Variants in AGPAT3 observed in about 807,000 individuals in gnomAD.
The protein encoded by AGPAT3 is 1-acyl-sn-glycerol-3-phosphate acyltransferase gamma.
Under a neutral mutation model 47.3 loss-of-function variants are expected in AGPAT3, and 5 were observed. That is an observed-to-expected ratio of 0.11 (90% CI 0.06 to 0.22). The LOEUF is 0.22. Ranked by LOEUF, AGPAT3 falls within the 10% of genes least tolerant of loss-of-function variation. The probability of loss-of-function intolerance (pLI) is 1.00; values close to 1 mark genes in which losing one functional copy is unlikely to be tolerated. For synonymous variants in AGPAT3, 212 were observed against 208.3 expected (o/e 1.02, Z -0.15); for missense variants, 315 against 493.0 (o/e 0.64, Z 3.42).
chr21:43,961,750 A>G (rs536957287), intron 3 of AGPAT3, among the ~76,000 whole-genome samples: 27 of 151,956 alleles, frequency 1.8e-4, no homozygotes, highest in Non-Finnish European at 3.7e-4. Flanking sequence ...GTGAGCGCGT[A>G]TACACTTTGT....
At position 43,878,211 on chromosome 21, in the gene AGPAT3, T is replaced by G. The variant is rs2085776999; in HGVS notation, c.-112+12866T>G. 2.0e-5 allele frequency among the ~76,000 whole-genome samples: 3 copies of G among 152,186 alleles called. No homozygotes were observed. In the South Asian group the frequency reaches 6.2e-4, roughly 31 times the overall value. On this transcript the variant is annotated intron_variant, in intron 1 of 9. Coordinates refer to ENST00000291572, the MANE Select transcript of AGPAT3 (RefSeq NM_020132.5). ...CTGCCCCACTGGCCACACTCTGCCT[T>G]GGACTTTAGCCTGCCTGGAACACAC...
At chr21:43,944,655 A>T (rs1569079717) in intron 2 of AGPAT3, among the ~76,000 whole-genome samples, 1 of 152,138 alleles carries the variant, frequency 6.6e-6, no homozygotes, top group Non-Finnish European at 1.5e-5. Context: ...AGGCAGGGGG[A>T]CGGCTGTGCT....
At chr21:43,940,369 G>T (rs376902306) in intron 2 of AGPAT3, among the ~76,000 whole-genome samples, 1 of 152,234 alleles carries the variant, frequency 6.6e-6, no homozygotes, top group Non-Finnish European at 1.5e-5. Context: ...GGGCAGTCCT[G>T]GGGGCCTTTA....
chr21:43,884,432 A>C (rs948183036), intron 1 of AGPAT3, among the ~76,000 whole-genome samples: 5 of 152,144 alleles, frequency 3.3e-5, no homozygotes, highest in Non-Finnish European at 7.4e-5. Flanking sequence ...TGTGCGGAGC[A>C]TGGCCCTTTC....
intron 2 of AGPAT3, among the ~76,000 whole-genome samples, chr21:43,957,265 G>T (rs1014261575): frequency 6.6e-6 from 1 of 152,216 alleles, no homozygotes; most frequent in South Asian, 2.1e-4. Context: ...TGGGGTGGGC[G>T]CCCATGGAGA....
chr21:43,942,942 G>GT (rs935710284), intron 2 of AGPAT3, among the ~76,000 whole-genome samples: 1 of 152,254 alleles, frequency 6.6e-6, no homozygotes, highest in Non-Finnish European at 1.5e-5. Context: ...CCCCTTGCCT[G>GT]TTGGGGATGG....
At chr21:43,902,923 C>T (rs751962705) in intron 1 of AGPAT3, among the ~76,000 whole-genome samples, 14 of 152,074 alleles carry the variant, frequency 9.2e-5, no homozygotes, top group Non-Finnish European at 1.9e-4. Flanking sequence ...TCACTTAAGC[C>T]CAGAAGACTG....
At chr21:43,962,293 C>T (rs1256755003) in intron 3 of AGPAT3, among the ~76,000 whole-genome samples, 9 of 152,096 alleles carry the variant, frequency 5.9e-5, no homozygotes, top group East Asian at 1.9e-4. Context: ...TGAGCCACCG[C>T]GCCCGGCCAG....
intron 1 of AGPAT3, among the ~76,000 whole-genome samples, chr21:43,886,306 T>C (rs1391950912): frequency 6.6e-6 from 1 of 152,126 alleles, no homozygotes; most frequent in Admixed American, 6.5e-5. Flanking sequence ...CAGGCTGGAG[T>C]GCAGTGGCGT....
intron 1 of AGPAT3, among the ~76,000 whole-genome samples, chr21:43,871,967 T>C (rs906581643): frequency 1.3e-5 from 2 of 152,330 alleles, no homozygotes; most frequent in African/African-American, 4.8e-5. Flanking sequence ...TTCTTCCCAA[T>C]TCTTGGGTCA....
chr21:43,875,642 C>T (rs1489862133), intron 1 of AGPAT3, among the ~76,000 whole-genome samples: 1 of 152,244 alleles, frequency 6.6e-6, no homozygotes, highest in Non-Finnish European at 1.5e-5. Context: ...GAGTCTTGCT[C>T]TGTTGCCCAG....
At chr21:43,872,982 G>A (rs766884432) in intron 1 of AGPAT3, among the ~76,000 whole-genome samples, 22 of 152,268 alleles carry the variant, frequency 1.4e-4, no homozygotes, top group Non-Finnish European at 2.6e-4. Flanking sequence ...ACAGAGAGCT[G>A]CGGCCTCCCC....
intron 1 of AGPAT3, among the ~76,000 whole-genome samples, chr21:43,884,011 T>C (rs1024095697): frequency 1.1e-4 from 16 of 152,230 alleles, no homozygotes; most frequent in Admixed American, 9.8e-4. Flanking sequence ...ATTACAGGTG[T>C]GAGCCACCAC....
intron 2 of AGPAT3, among the ~76,000 whole-genome samples, chr21:43,929,158 C>G (rs530035110): frequency 6.6e-6 from 1 of 152,218 alleles, no homozygotes; most frequent in Non-Finnish European, 1.5e-5. Context: ...GTGGGTGCCT[C>G]ATGCGGGTGG....
intron 2 of AGPAT3, among the ~76,000 whole-genome samples, chr21:43,951,915 G>T (rs545087301): frequency 3.9e-4 from 60 of 152,258 alleles, no homozygotes; most frequent in Admixed American, 2.4e-3. Context: ...GGGGATTTTG[G>T]CAAAGAAGGG....
chr21:43,978,775 C>T (rs2838458), intron 8 of AGPAT3, among the ~76,000 whole-genome samples: 61,613 of 152,072 alleles, frequency 0.41, 12,627 homozygotes, highest in African/African-American at 0.48. Flanking sequence ...CCTTGTATAA[C>T]AGAAACAAAT....
At chr21:43,929,735 C>T (rs1359980983) in intron 2 of AGPAT3, among the ~76,000 whole-genome samples, 3 of 152,234 alleles carry the variant, frequency 2.0e-5, no homozygotes, top group Non-Finnish European at 4.4e-5. Context: ...GGCCCACATT[C>T]CTCAGGCTGG....
rs184280795 is a variant in AGPAT3 at position 43,987,511 on chromosome 21, A to G, written c.*5119A>G. Among the ~76,000 whole-genome samples, 16 of 152,306 alleles carry G rather than the reference A, an allele frequency of 1.1e-4. No individual in the cohort carries two copies. Among genetic ancestry groups the G allele is most frequent in the African/African-American group, 3.6e-4 (15 of 41,586 alleles). On this transcript the variant is annotated 3_prime_UTR_variant, in exon 10 of 10. Transcript: ENST00000291572. ...CCAAAACTACTCTTTTTTTGTAAAA[A>G]CATTCATCTGTGGAGAAAACCAAGG...
Position 43,933,224 on chromosome 21 carries a change from G to A in AGPAT3, c.-48-26410G>A, listed in dbSNP as rs536768255. ...GTGTGGCTCCTTCTGAGGCACAGCC[G>A]TTCGGGTCCTTTGCTGTTTGCTTTC... On this transcript the variant is annotated intron_variant, in intron 2 of 9. Coordinates refer to ENST00000291572, the MANE Select transcript of AGPAT3 (RefSeq NM_020132.5). The surrounding 1 kb of genome is among the most constrained non-coding windows in gnomAD (Gnocchi z 6.0). Among the ~76,000 whole-genome samples, 7 of 152,060 alleles carry A rather than the reference G, an allele frequency of 4.6e-5. No homozygotes were observed. Among genetic ancestry groups the A allele is most frequent in the Non-Finnish European group, 8.8e-5 (6 of 68,022 alleles).
Sources: allele counts gnomAD v4.1 joint callset (sites outside exome capture counted in the v4.1 genomes callset), GRCh38; gene constraint gnomAD v4.1.1; non-coding constraint Gnocchi (gnomAD v3.1); transcripts MANE v1.5; gene names NCBI Gene and HGNC (gene_info 2026-07-23, HGNC 2026-07-21).